Variants in ATP2B2 observed in about 807,000 individuals in gnomAD.
The protein encoded by ATP2B2 is plasma membrane calcium-transporting ATPase 2.
In ATP2B2, 15 loss-of-function variants were observed where a neutral mutation model predicts 120.0. The ratio of observed to expected loss-of-function variants is 0.12; its 90% CI spans 0.08 to 0.19. The LOEUF (loss-of-function observed/expected upper bound fraction) is 0.19. ATP2B2 is among the 10% of genes least tolerant of loss of function. The pLI is 1.00. For missense variants in ATP2B2, 1,045 were observed against 1,719.8 expected, an observed-to-expected ratio of 0.61 and a Z score of 6.94; for synonymous variants, 694 against 700.3, an observed-to-expected ratio of 0.99 and a Z score of 0.14.
chr3:10,431,878 T>C (rs2063327267), intron 2 of ATP2B2, among the ~76,000 whole-genome samples: 1 of 152,208 alleles, frequency 6.6e-6, no homozygotes, highest in Non-Finnish European at 1.5e-5. Context: ...CCCACAATGC[T>C]TGATCCGGCA....
intron 2 of ATP2B2, among the ~76,000 whole-genome samples, chr3:10,604,149 A>G (rs2068998683): frequency 6.6e-6 from 1 of 151,390 alleles, no homozygotes. Context: ...CCTTGGCCTC[A>G]CCTCCCTCAC....
intron 1 of ATP2B2, among the ~76,000 whole-genome samples, chr3:10,468,679 G>T (rs2064856983): frequency 6.6e-6 from 1 of 152,240 alleles, no homozygotes; most frequent in African/African-American, 2.4e-5. Context: ...TGACCTGCTT[G>T]ATACAGGTCA....
chr3:10,554,862 A>G (rs544311454), intron 2 of ATP2B2, among the ~76,000 whole-genome samples: 1 of 152,354 alleles, frequency 6.6e-6, no homozygotes, highest in East Asian at 1.9e-4. Flanking sequence ...ACAAACAGTG[A>G]CAGGCACCTC....
At chr3:10,484,636 C>T (rs1254576984) in intron 1 of ATP2B2, among the ~76,000 whole-genome samples, 1 of 152,182 alleles carries the variant, frequency 6.6e-6, no homozygotes, top group South Asian at 2.1e-4. Flanking sequence ...CTGTCCCTGC[C>T]CTGCCTCACA....
chr3:10,546,851 G>A (rs748476723), intron 2 of ATP2B2, among the ~76,000 whole-genome samples: 16 of 152,126 alleles, frequency 1.1e-4, no homozygotes, highest in Non-Finnish European at 1.9e-4. Flanking sequence ...GAGCCCAGGC[G>A]GTGGGTCTTC....
chr3:10,348,570 G>A (rs1452380995), intron 16 of ATP2B2, among the ~76,000 whole-genome samples: 1 of 152,152 alleles, frequency 6.6e-6, no homozygotes, highest in Non-Finnish European at 1.5e-5. Flanking sequence ...CCAGATCCTT[G>A]AAGGCATCTG....
At chr3:10,650,664 G>A (rs1277462780) in intron 1 of ATP2B2, among the ~76,000 whole-genome samples, 1 of 152,210 alleles carries the variant, frequency 6.6e-6, no homozygotes, top group Admixed American at 6.5e-5. Flanking sequence ...TGGAGGCCTA[G>A]GAGGAAAAGA....
intron 2 of ATP2B2, among the ~76,000 whole-genome samples, chr3:10,592,532 G>A (rs2068667861): frequency 6.6e-6 from 1 of 152,174 alleles, no homozygotes; most frequent in Admixed American, 6.5e-5. Flanking sequence ...CCTTGAAAAT[G>A]GAAACTTGAG....
chr3:10,379,172 T>C, intron 9 of ATP2B2, 71 bp downstream of exon 9: 1 of 1,532,674 alleles, frequency 6.5e-7, no homozygotes, highest in Non-Finnish European at 9.0e-7. Flanking sequence ...TCTCTGTCTC[T>C]GGTGTGACTG....
chr3:10,583,163 C>T (rs2068430193), intron 2 of ATP2B2, among the ~76,000 whole-genome samples: 1 of 152,208 alleles, frequency 6.6e-6, no homozygotes, highest in African/African-American at 2.4e-5. Context: ...TTAGACTGTG[C>T]AGCATCTTGA....
intron 1 of ATP2B2, among the ~76,000 whole-genome samples, chr3:10,662,810 C>T (rs966347907): frequency 5.9e-5 from 9 of 152,000 alleles, no homozygotes; most frequent in African/African-American, 2.2e-4. Context: ...TATTGCGGCA[C>T]TATTCACAAT....
At chr3:10,358,105 C>T (rs1353628742) in intron 14 of ATP2B2, among the ~76,000 whole-genome samples, 1 of 152,204 alleles carries the variant, frequency 6.6e-6, no homozygotes, top group Non-Finnish European at 1.5e-5. Flanking sequence ...GTGACCTTAA[C>T]TTTCTAGCTC....
intron 14 of ATP2B2, 118 bp downstream of exon 14, chr3:10,358,573 A>C: frequency 1.0e-6 from 1 of 969,924 alleles, no homozygotes. Context: ...GGAAATCCCC[A>C]TGGGCATTAT....
At chr3:10,586,385 A>G (rs980828630) in intron 2 of ATP2B2, among the ~76,000 whole-genome samples, 2 of 152,212 alleles carry the variant, frequency 1.3e-5, no homozygotes, top group Non-Finnish European at 2.9e-5. Context: ...AGTCTCCATC[A>G]TCCCAAGAGG....
At chr3:10,338,405 T>C in intron 21 of ATP2B2, 47 bp from the exon 22 acceptor site, 1 of 1,608,844 alleles carries the variant, frequency 6.2e-7, no homozygotes, top group Non-Finnish European at 8.5e-7. Context: ...TCCTTCCCAG[T>C]GGCCTTCTCT....
At chr3:10,532,637 G>A (rs1287110043) in intron 3 of ATP2B2, among the ~76,000 whole-genome samples, 1 of 152,180 alleles carries the variant, frequency 6.6e-6, no homozygotes. Flanking sequence ...TCAAGAGATG[G>A]CATTAAATAA....
chr3:10,414,143 G>A (rs894759164), intron 2 of ATP2B2, among the ~76,000 whole-genome samples: 3 of 152,166 alleles, frequency 2.0e-5, no homozygotes, highest in Non-Finnish European at 4.4e-5. Flanking sequence ...TGCAAATTAA[G>A]GTTTTTGCCA....
intron 5 of ATP2B2, among the ~76,000 whole-genome samples, chr3:10,399,502 T>C (rs916059186): frequency 6.6e-6 from 1 of 152,244 alleles, no homozygotes; most frequent in Non-Finnish European, 1.5e-5. Context: ...TGACTTACCA[T>C]TATCTGAAGT....
Position 10,486,338 on chromosome 3 carries a change from T to C in ATP2B2, c.-320+19127A>G, listed in dbSNP as rs1043056434. On this transcript the variant is annotated intron_variant, in intron 1 of 22. Transcript: ENST00000360273. ...GTGTGTGCGTGCGTGTGTGTGTGTG[T>C]GTGTGTGTGTGTGTGTGTGTGTCTC... Among the ~76,000 whole-genome samples the C allele has an allele frequency of 2.2e-4, 33 of 151,962 alleles. 1 individual carries two copies. Among genetic ancestry groups the C allele is most frequent in the Middle Eastern group, 3.4e-3 (1 of 294 alleles).
Sources: gnomAD v4.1 joint callset for allele counts (sites outside exome capture counted in the v4.1 genomes callset) on GRCh38, gnomAD v4.1.1 for gene constraint, MANE v1.5 for transcripts, NCBI Gene and HGNC (gene_info 2026-07-23, HGNC 2026-07-21) for gene names.